MRPL39: variants seen among roughly 807,000 people sequenced by gnomAD.
The protein encoded by MRPL39 is mitochondrial ribosomal protein L39.
A neutral mutation model predicts 44.5 loss-of-function variants in MRPL39; 35 were observed. That is an observed-to-expected ratio of 0.79 (90% confidence interval 0.60 to 1.04). The LOEUF (loss-of-function observed/expected upper bound fraction) is 1.04, where lower values mean the gene tolerates loss of function less well. Ranked by LOEUF, MRPL39 falls within the 50% of genes least tolerant of loss-of-function variation. The pLI, the probability that MRPL39 is intolerant of heterozygous loss-of-function variation, is 0.00. For missense variants in MRPL39, 433 were observed against 413.5 expected (o/e 1.05, Z -0.41); for synonymous variants, 139 against 136.1 (o/e 1.02, Z -0.15).
chr21:25,600,931 C>A (rs1270831377), intron 4 of MRPL39, among the ~76,000 whole-genome samples: 1 of 152,150 alleles, frequency 6.6e-6, no homozygotes, highest in African/African-American at 2.4e-5. Flanking sequence ...CATGGTGAAA[C>A]CCCGTCTCTA....
chr21:25,607,748 A>G (rs1045783874), upstream of MRPL39, among the ~76,000 whole-genome samples: 1 of 152,130 alleles, frequency 6.6e-6, no homozygotes, highest in African/African-American at 2.4e-5. Context: ...CCCACCACGT[A>G]GGCTCTGCAG....
At chr21:25,605,262 A>T (rs1168694950) in intron 2 of MRPL39, among the ~76,000 whole-genome samples, 2 of 152,226 alleles carry the variant, frequency 1.3e-5, no homozygotes, top group Non-Finnish European at 2.9e-5. Flanking sequence ...TATCAAACGT[A>T]CTATCAAAAC....
chr21:25,596,389 C>T (rs80219511), intron 6 of MRPL39, among the ~76,000 whole-genome samples: 12,656 of 152,268 alleles, frequency 0.083, 853 homozygotes, highest in East Asian at 0.37. Flanking sequence ...TGAGCCACCG[C>T]GCCCAGCCGA....
intron 3 of MRPL39, among the ~76,000 whole-genome samples, chr21:25,602,578 C>T (rs1247172170): frequency 2.0e-5 from 3 of 152,136 alleles, no homozygotes; most frequent in Non-Finnish European, 4.4e-5. Context: ...AGAACTAGGT[C>T]CAATAAGGGA....
At chr21:25,607,039 G>A (rs192057148) in intron 1 of MRPL39, among the ~76,000 whole-genome samples, 41 of 152,366 alleles carry the variant, frequency 2.7e-4, no homozygotes, top group African/African-American at 9.4e-4. Flanking sequence ...AATGAGAAAT[G>A]CTGAGTTTAT....
At chr21:25,588,308 T>C (rs1218268014) in intron 9 of MRPL39, among the ~76,000 whole-genome samples, 4 of 90,078 alleles carry the variant, frequency 4.4e-5, no homozygotes, top group Non-Finnish European at 9.4e-5. Flanking sequence ...CAAGACTCTG[T>C]CTCAAAAAAA....
Position 25,588,815 on chromosome 21 carries a change from T to C in MRPL39, c.969+20A>G. Reference sequence around the variant, plus strand: ...AATTTCTTTATAGAAGAGTACTCAATAGCTGTCAAAAACACTTACCATTTT... The same window carrying C: ...AATTTCTTTATAGAAGAGTACTCAACAGCTGTCAAAAACACTTACCATTTT... On this transcript the variant is annotated intron_variant, in intron 9 of 9. Coordinates refer to ENST00000352957, the MANE Select transcript of MRPL39 (RefSeq NM_017446.4). 6.2e-7 allele frequency: 1 copy of C among 1,600,718 alleles called. No individual in the cohort carries two copies. Among genetic ancestry groups the C allele is most frequent in the Non-Finnish European group, 8.6e-7 (1 of 1,168,752 alleles).
Position 25,601,432 on chromosome 21 carries a change from A to G in MRPL39, c.456T>C (p.Cys152=). 1 of 1,609,346 alleles carries G rather than the reference A, an allele frequency of 6.2e-7. No homozygotes were observed. The highest frequency in any genetic ancestry group is 8.5e-7 in the Non-Finnish European group (1 of 1,177,256). ...CATCTTTGAATGCCCTCTCTATCAC[A>G]CAGCCCATCATCATAGCACAGGAAC... The part of the protein sequence containing the change: ...YWRSCAMMMG[C]VIERAFKDEY... Residue 152 remains cysteine, a synonymous_variant, in exon 4 of 10, where the codon TGT becomes TGC. Transcript: ENST00000352957.
At chr21:25,592,576 C>T (rs1203481014) in intron 8 of MRPL39, among the ~76,000 whole-genome samples, 1 of 152,124 alleles carries the variant, frequency 6.6e-6, no homozygotes. Flanking sequence ...CCTATGCTAA[C>T]TTGAAATTTT....
At position 25,592,823 on chromosome 21, in the gene MRPL39, C is replaced by G; in HGVS notation, c.910G>C (p.Val304Leu). Residue 304 changes from valine (V) to leucine (L), a missense_variant, in exon 8 of 10, where the codon GTT becomes CTT. Transcript: ENST00000352957. Reference protein sequence around the residue: ...IRRFQGVSLPVHLRAHFTIWD... With the variant: ...IRRFQGVSLPLHLRAHFTIWD... Reference sequence around the variant, plus strand: ...TAAGCTTTACTTACTCTTAAGTGAACAGGTAAAGACACGCCCTGGAATCTT... The same window carrying G: ...TAAGCTTTACTTACTCTTAAGTGAAGAGGTAAAGACACGCCCTGGAATCTT... The G allele has an allele frequency of 1.9e-6, 3 of 1,607,390 alleles. No individual in the cohort carries two copies. The highest frequency in any genetic ancestry group is 2.6e-6 in the Non-Finnish European group (3 of 1,176,058).
chr21:25,589,024 C>T, intron 8 of MRPL39, 142 bp from the exon 9 acceptor site: 1 of 671,632 alleles, frequency 1.5e-6, no homozygotes, highest in Non-Finnish European at 2.4e-6. Flanking sequence ...AAAAGTGGAT[C>T]ATAGTAGCAA....
intron 3 of MRPL39, among the ~76,000 whole-genome samples, chr21:25,601,907 C>CCCTA (rs1010149685): frequency 6.6e-5 from 10 of 152,304 alleles, no homozygotes; most frequent in African/African-American, 2.4e-4. Context: ...CTACCTAACA[C>CCCTA]CCTAACACAT....
intron 8 of MRPL39, among the ~76,000 whole-genome samples, chr21:25,590,589 G>C (rs2031143635): frequency 6.6e-6 from 1 of 152,052 alleles, no homozygotes; most frequent in African/African-American, 2.4e-5. Flanking sequence ...CAAATGTATA[G>C]GAGAGGTGTG....
chr21:25,599,694 A>T, intron 5 of MRPL39, 105 bp downstream of exon 5: 1 of 897,602 alleles, frequency 1.1e-6, no homozygotes, highest in Non-Finnish European at 1.8e-6. Flanking sequence ...AGATTCTTTT[A>T]AATGTTCTCA....
chr21:25,596,311 G>A (rs1433686935), intron 6 of MRPL39, among the ~76,000 whole-genome samples: 2 of 152,164 alleles, frequency 1.3e-5, no homozygotes, highest in Admixed American at 6.5e-5. Context: ...TGTTAGCCAA[G>A]ATGGTCTCGA....
In MRPL39 at chr21:25,593,929, GCCT is replaced by G; in HGVS notation, c.728_730del (p.Lys243_Ala244delinsThr). ...GACTATTCTCTCAGGGTTCTGAGAT[GCCT>G]TCTCTTCTATGAAATCTACTTTGTA... On this transcript the variant is annotated inframe_deletion, in exon 7 of 10. Coordinates refer to ENST00000352957, the MANE Select transcript of MRPL39 (RefSeq NM_017446.4). The G allele has an allele frequency of 6.2e-7, 1 of 1,613,604 alleles. No homozygotes were observed. Among genetic ancestry groups the G allele is most frequent in the Non-Finnish European group, 8.5e-7 (1 of 1,179,866 alleles).
chr21:25,594,069 A>T (rs2031267345), intron 6 of MRPL39, 111 bp from the exon 7 acceptor site: 4 of 848,986 alleles, frequency 4.7e-6, no homozygotes, highest in Non-Finnish European at 5.5e-6. Context: ...AGAGTAGGTT[A>T]CACTTGGAAC....
chr21:25,594,044 C>T, intron 6 of MRPL39, 86 bp from the exon 7 acceptor site: 2 of 1,115,416 alleles, frequency 1.8e-6, no homozygotes, highest in South Asian at 1.4e-5. Flanking sequence ...TCTTCCTCTT[C>T]AGCCATACTT....
intron 3 of MRPL39, among the ~76,000 whole-genome samples, chr21:25,602,849 T>A (rs766066390): frequency 1.3e-5 from 2 of 152,180 alleles, no homozygotes; most frequent in African/African-American, 2.4e-5. Flanking sequence ...GCATAAACCA[T>A]TAGTGACTGA....
Sources: allele counts gnomAD v4.1 joint callset (sites outside exome capture counted in the v4.1 genomes callset), GRCh38; gene constraint gnomAD v4.1.1; transcripts MANE v1.5; gene names NCBI Gene and HGNC (gene_info 2026-07-23, HGNC 2026-07-21).